Variants in TCF4 observed in about 807,000 individuals in gnomAD.
TCF4 encodes SL3-3 enhancer factor 2.
A neutral mutation model predicts 82.1 loss-of-function variants in TCF4; 3 were observed. The observed-to-expected ratio is 0.04, with a 90% confidence interval of 0.02 to 0.09. TCF4 has a LOEUF of 0.09. Among genes scored for constraint, TCF4 ranks in the 10% least tolerant of loss-of-function variants. TCF4 has a pLI of 1.00. For synonymous variants in TCF4, 276 were observed against 309.6 expected (o/e 0.89, Z 1.14); for missense variants, 518 against 852.7 (o/e 0.61, Z 4.89).
At chr18:55,423,754 G>A (rs2094871493) in intron 5 of TCF4, 1 of 152,474 alleles carries the variant, frequency 6.6e-6, no homozygotes, top group South Asian at 2.1e-4. Context: ...GGTCGTCCAT[G>A]AGTGACCCTC....
upstream of TCF4, chr18:55,589,570 A>T (rs1443437632): frequency 8.1e-5 from 38 of 469,650 alleles, no homozygotes; most frequent in Middle Eastern, 8.7e-4. Context: ...TATTGTTTAT[A>T]AAAAAAAAAA....
chr18:55,435,603 T>G (rs1016023293), intron 5 of TCF4, among the ~76,000 whole-genome samples: 3 of 152,210 alleles, frequency 2.0e-5, no homozygotes, highest in Non-Finnish European at 4.4e-5. Context: ...CTGGCTCTCA[T>G]GTTCATGTAG....
chr18:55,622,006 CTATA>C (rs200115534), intron 2 of TCF4, among the ~76,000 whole-genome samples: 7 of 128,072 alleles, frequency 5.5e-5, no homozygotes, highest in South Asian at 2.3e-4. Context: ...TATATATACA[CTATA>C]TATATTATAT....
At chr18:55,576,137 GT>G in intron 3 of TCF4, among the ~76,000 whole-genome samples, 1 of 152,210 alleles carries the variant, frequency 6.6e-6, no homozygotes, top group South Asian at 2.1e-4. Context: ...TAGTTTTGAG[GT>G]GCAGCCTTTA....
At chr18:55,620,254 G>A (rs1279625927) in intron 2 of TCF4, among the ~76,000 whole-genome samples, 1 of 152,108 alleles carries the variant, frequency 6.6e-6, no homozygotes, top group Non-Finnish European at 1.5e-5. Flanking sequence ...CTTTATAGCA[G>A]TGTGAAATGT....
intron 6 of TCF4, chr18:55,351,675 G>C (rs2082354543): frequency 4.0e-6 from 1 of 247,544 alleles, no homozygotes; most frequent in Admixed American, 6.5e-5. Context: ...ACATTTACCT[G>C]AACACTAGAA....
chr18:55,411,555 C>T (rs1055169086), intron 5 of TCF4, among the ~76,000 whole-genome samples: 4 of 152,138 alleles, frequency 2.6e-5, no homozygotes, highest in Admixed American at 6.6e-5. Context: ...TGTTCTTAGG[C>T]AGAAGGAAGA....
In TCF4 at chr18:55,235,751, G is replaced by C. The variant is rs544438135; in HGVS notation, c.1351-1068C>G. Among the ~76,000 whole-genome samples the C allele has an allele frequency of 4.6e-5, 7 of 152,286 alleles. No individual in the cohort carries two copies. In the East Asian group the frequency reaches 1.3e-3, roughly 29 times the overall value. On this transcript the variant is annotated intron_variant, in intron 15 of 19. Transcript: ENST00000354452. ...TATGGTTAAGTGAGCATTTACACAG[G>C]ACGGTGGGTCTAAAACACAAAAAAT...
intron 15 of TCF4, among the ~76,000 whole-genome samples, chr18:55,251,832 A>C (rs2055221661): frequency 6.6e-6 from 1 of 151,918 alleles, no homozygotes; most frequent in South Asian, 2.1e-4. Flanking sequence ...CAGCTGGCCA[A>C]AGTTTTATAG....
intron 14 of TCF4, among the ~76,000 whole-genome samples, chr18:55,255,623 T>G (rs1218294596): frequency 1.3e-5 from 2 of 152,194 alleles, no homozygotes; most frequent in Non-Finnish European, 2.9e-5. Flanking sequence ...CAGTGTACAC[T>G]TTAAAATATA....
chr18:55,317,180 T>G (rs533905842), intron 8 of TCF4, among the ~76,000 whole-genome samples: 11 of 149,766 alleles, frequency 7.3e-5, no homozygotes, highest in Non-Finnish European at 1.3e-4. Context: ...ATGGGTAAAT[T>G]AAAGTGCCAA....
chr18:55,445,833 T>A (rs2095515705), intron 5 of TCF4, among the ~76,000 whole-genome samples: 1 of 152,202 alleles, frequency 6.6e-6, no homozygotes, highest in Non-Finnish European at 1.5e-5. Flanking sequence ...CAACTCACCT[T>A]TAAGATGAAG....
At chr18:55,527,606 T>G (rs2097001794) in intron 3 of TCF4, among the ~76,000 whole-genome samples, 2 of 152,106 alleles carry the variant, frequency 1.3e-5, no homozygotes, top group African/African-American at 4.8e-5. Flanking sequence ...TCTCTAAATA[T>G]TCAAGGTACC....
At chr18:55,432,203 TG>T (rs773852080) in intron 5 of TCF4, among the ~76,000 whole-genome samples, 1 of 152,150 alleles carries the variant, frequency 6.6e-6, no homozygotes, top group African/African-American at 2.4e-5. Flanking sequence ...CTTGGGTGGC[TG>T]AGGCAGCAGA....
At chr18:55,602,624 A>G (rs2097698290) in intron 2 of TCF4, among the ~76,000 whole-genome samples, 1 of 152,236 alleles carries the variant, frequency 6.6e-6, no homozygotes, top group Admixed American at 6.5e-5. Context: ...GCAAGTTCAC[A>G]TTACATCCAC....
At chr18:55,369,163 C>T (rs2088164474) in intron 6 of TCF4, among the ~76,000 whole-genome samples, 1 of 152,048 alleles carries the variant, frequency 6.6e-6, no homozygotes, top group African/African-American at 2.4e-5. Flanking sequence ...TGTATTGAAA[C>T]CTTCCCTAAT....
At chr18:55,275,565 C>A (rs889936049) in intron 10 of TCF4, 54 bp downstream of exon 10, 2 of 1,612,152 alleles carry the variant, frequency 1.2e-6, no homozygotes, top group Non-Finnish European at 1.7e-6. Flanking sequence ...AGACAGAGGA[C>A]GAGGTTTAAT....
intron 3 of TCF4, chr18:55,551,096 A>T (rs1272840397): frequency 6.6e-6 from 1 of 152,290 alleles, no homozygotes; most frequent in East Asian, 1.9e-4. Context: ...GGCACCCAGC[A>T]CCAAGCCTGG....
chr18:55,362,430 GAAGGAAAA>G lies in TCF4; in HGVS notation c.370-11435_370-11428del, dbSNP rs1569192211. 1.3e-4 allele frequency among the ~76,000 whole-genome samples: 18 copies of G among 135,924 alleles called. 1 individual carries two copies. Among genetic ancestry groups the G allele is most frequent in the African/African-American group, 3.9e-4 (14 of 36,060 alleles). 89.2% of individuals were successfully genotyped at this position (135,924 alleles called of 152,430 possible). On this transcript the variant is annotated intron_variant, in intron 6 of 19. Coordinates refer to ENST00000354452, the MANE Select transcript of TCF4 (RefSeq NM_001083962.2). Reference sequence around the variant, plus strand: ...GGAAGGAAGGAAGGAAGGAAGGAAGGAAGGAAAAAAAAAAAGAAGAAAACATGTATCTG... The same window carrying G: ...GGAAGGAAGGAAGGAAGGAAGGAAGGAAAAAAAGAAGAAAACATGTATCTG...
Sources: allele counts gnomAD v4.1 joint callset (sites outside exome capture counted in the v4.1 genomes callset), GRCh38; gene constraint gnomAD v4.1.1; transcripts MANE v1.5; gene names NCBI Gene and HGNC (gene_info 2026-07-23, HGNC 2026-07-21).